Variants in COG5 observed in about 807,000 individuals in gnomAD.
COG5 encodes the protein conserved oligomeric Golgi complex subunit 5.
A neutral mutation model predicts 110.4 loss-of-function variants in COG5; 86 were observed. That is an observed-to-expected ratio of 0.78 (90% CI 0.65 to 0.93). The LOEUF (loss-of-function observed/expected upper bound fraction) is 0.93, where lower values mean the gene tolerates loss of function less well. Among genes scored for constraint, COG5 ranks in the 40% least tolerant of loss-of-function variants. The pLI, the probability that COG5 is intolerant of heterozygous loss-of-function variation, is 0.00. For missense variants in COG5, 1,077 were observed against 987.0 expected, an observed-to-expected ratio of 1.09 and a Z score of -1.22; for synonymous variants, 360 against 334.6, an observed-to-expected ratio of 1.08 and a Z score of -0.83.
rs61526384 is a variant in COG5, at chr7:107,492,168, AGTGTGT to A, written c.538+35063_538+35068del. Among the ~76,000 whole-genome samples, 215 of 141,732 alleles carry A rather than the reference AGTGTGT, an allele frequency of 1.5e-3. 3 individuals carry two copies. The highest frequency in any genetic ancestry group is 7.0e-3 in the Middle Eastern group (2 of 286). 93.0% of individuals were successfully genotyped at this position (141,732 alleles called of 152,430 possible). A position where few individuals can be genotyped will look rare whatever the true frequency, so the allele number is the denominator to read the frequency against. On this transcript the variant is annotated intron_variant, in intron 6 of 21. Transcript: ENST00000297135. The stretch of plus-strand genomic sequence containing the variant: ...CAAAAAACCAAAAACAACAATGGGT[AGTGTGT>A]GTGTGTGTGTGTGTGTGTGTGTGTG...
chr7:107,227,142 G>A (rs1180401477), intron 19 of COG5, among the ~76,000 whole-genome samples: 1 of 152,182 alleles, frequency 6.6e-6, no homozygotes, highest in Non-Finnish European at 1.5e-5. Flanking sequence ...CTGAGAAATG[G>A]CTGGATGCAG....
intron 21 of COG5, chr7:107,209,998 G>C: frequency 1.0e-6 from 1 of 994,620 alleles, no homozygotes; most frequent in Non-Finnish European, 1.2e-6. Context: ...GGGGTACATG[G>C]GGGTGTGTGC....
At chr7:107,338,628 C>T (rs951898097) in intron 10 of COG5, among the ~76,000 whole-genome samples, 3 of 152,006 alleles carry the variant, frequency 2.0e-5, no homozygotes, top group African/African-American at 7.2e-5. Flanking sequence ...ACAAATTACA[C>T]TACATCAAAC....
chr7:107,516,982 G>A (rs1010206241), intron 6 of COG5, among the ~76,000 whole-genome samples: 1 of 152,184 alleles, frequency 6.6e-6, no homozygotes, highest in Admixed American at 6.5e-5. Flanking sequence ...TCCAGCAAGG[G>A]CGCAGAACTG....
At chr7:107,520,217 T>C (rs1800227912) in intron 6 of COG5, among the ~76,000 whole-genome samples, 1 of 152,150 alleles carries the variant, frequency 6.6e-6, no homozygotes, top group Non-Finnish European at 1.5e-5. Context: ...CTGGAAGCAT[T>C]CCCTTTGAAA....
At chr7:107,270,156 G>A (rs1804129415) in intron 14 of COG5, among the ~76,000 whole-genome samples, 1 of 151,580 alleles carries the variant, frequency 6.6e-6, no homozygotes, top group Non-Finnish European at 1.5e-5. Flanking sequence ...ATTCCTTCTT[G>A]TAAAATCTTG....
intron 19 of COG5, among the ~76,000 whole-genome samples, chr7:107,226,245 A>T (rs759444349): frequency 1.2e-4 from 19 of 152,146 alleles, no homozygotes; most frequent in Non-Finnish European, 2.6e-4. Context: ...ACTACCATTC[A>T]ACTGGTTTTG....
At chr7:107,388,522 A>G (rs1404063305) in intron 7 of COG5, among the ~76,000 whole-genome samples, 1 of 152,190 alleles carries the variant, frequency 6.6e-6, no homozygotes, top group Non-Finnish European at 1.5e-5. Context: ...TCCACCCTTA[A>G]AAATATGCTC....
In COG5 at chr7:107,298,178, G is replaced by A. The variant is rs1459197287; in HGVS notation, c.1277C>T (p.Ala426Val). The change falls in exon 12 of 22, where the codon GCA (alanine) becomes GTA (valine). Residue 426 changes from alanine to valine, a missense_variant. Physicochemically the swap from Ala to Val is moderately conservative, Grantham distance 64 (BLOSUM62 0). Transcript: ENST00000297135. ...YVDLQHMEDD[A>V]QDIFIPKKPD... is the part of the protein sequence containing the mutation. The stretch of plus-strand genomic sequence containing the variant: ...CTTTTTTGGTATGAATATATCTTGT[G>A]CATCATCTTCCATGTGTTGTAGGTC... The A allele has an allele frequency of 1.2e-6, 2 of 1,611,914 alleles. No homozygotes were observed. The highest frequency in any genetic ancestry group is 3.3e-5 in the Admixed American group (2 of 60,004).
At chr7:107,464,370 A>G (rs556638901) in intron 6 of COG5, among the ~76,000 whole-genome samples, 1 of 152,244 alleles carries the variant, frequency 6.6e-6, no homozygotes, top group African/African-American at 2.4e-5. Context: ...TTCCTCCTCC[A>G]GCCTAGAGAG....
chr7:107,451,357 G>A (rs2129093770), intron 6 of COG5, among the ~76,000 whole-genome samples: 1 of 152,262 alleles, frequency 6.6e-6, no homozygotes, highest in Admixed American at 6.5e-5. Context: ...ATTGACATTA[G>A]ACAATCTAGC....
chr7:107,258,539 T>G, intron 14 of COG5, 156 bp from the exon 15 acceptor site: 1 of 659,492 alleles, frequency 1.5e-6, no homozygotes, highest in Non-Finnish European at 2.7e-6. Context: ...ACTGGAAATA[T>G]TCAGGTCAAC....
chr7:107,476,252 C>T (rs951767103), intron 6 of COG5, among the ~76,000 whole-genome samples: 1 of 140,706 alleles, frequency 7.1e-6, no homozygotes, highest in Non-Finnish European at 1.5e-5. Context: ...TTATTCAACT[C>T]AGCTCTTTTG....
intron 14 of COG5, among the ~76,000 whole-genome samples, chr7:107,261,298 T>C (rs1803325018): frequency 6.6e-6 from 1 of 152,020 alleles, no homozygotes; most frequent in Admixed American, 6.6e-5. Flanking sequence ...TTATCCTGTT[T>C]GCTTTATCAT....
chr7:107,208,332 G>A (rs1403586019), intron 21 of COG5: 1 of 985,236 alleles, frequency 1.0e-6, no homozygotes, highest in Admixed American at 6.1e-5. Context: ...CACTGCTGAT[G>A]AAATCACTCA....
At chr7:107,246,503 TAAAC>T (rs1429124832) in intron 17 of COG5, among the ~76,000 whole-genome samples, 25 of 150,590 alleles carry the variant, frequency 1.7e-4, no homozygotes, top group Admixed American at 4.7e-4. Context: ...ATAAGGAACT[TAAAC>T]AAATTCACAA....
chr7:107,201,446 GTTC>G lies in COG5; in HGVS notation c.*2067_*2069del. ...AACAACATTAAACCAGGATGCTTAT[GTTC>G]TTAAGTCTATATTTGCATATACATT... On this transcript the variant is annotated 3_prime_UTR_variant, in exon 22 of 22. Transcript: ENST00000297135. 3.9e-6 allele frequency: 6 copies of G among 1,547,442 alleles called. No individual in the cohort carries two copies. Among genetic ancestry groups the G allele is most frequent in the Non-Finnish European group, 5.4e-6 (6 of 1,121,182 alleles).
intron 10 of COG5, among the ~76,000 whole-genome samples, chr7:107,331,059 G>C (rs1261619629): frequency 6.6e-6 from 1 of 152,110 alleles, no homozygotes; most frequent in Admixed American, 6.5e-5. Context: ...CAAAGAGGGA[G>C]GACATAAGAA....
chr7:107,277,029 C>G (rs1804751718), intron 14 of COG5, among the ~76,000 whole-genome samples: 1 of 152,120 alleles, frequency 6.6e-6, no homozygotes, highest in Non-Finnish European at 1.5e-5. Flanking sequence ...AGCATCAATG[C>G]TAAATCCCTA....
Sources: gnomAD v4.1 joint callset for allele counts (sites outside exome capture counted in the v4.1 genomes callset) on GRCh38, gnomAD v4.1.1 for gene constraint, MANE v1.5 for transcripts, NCBI Gene and HGNC (gene_info 2026-07-23, HGNC 2026-07-21) for gene names.